The following DOCK1 variants were observed in gnomAD, a reference collection of about 807,000 sequenced individuals.
The protein encoded by DOCK1 is dedicator of cytokinesis 1.
In DOCK1, 138 loss-of-function variants were observed where a neutral mutation model predicts 262.7. That is an observed-to-expected ratio of 0.53 (90% CI 0.46 to 0.61). The LOEUF is 0.61. Among genes scored for constraint, DOCK1 ranks in the 20% least tolerant of loss-of-function variants. DOCK1 has a pLI of 0.00. For missense variants in DOCK1, 1,908 were observed against 2,370.7 expected (o/e 0.80, Z 4.05); for synonymous variants, 866 against 867.4 (o/e 1.00, Z 0.03).
At chr10:127,215,998 C>A (rs2058192449) in intron 27 of DOCK1, among the ~76,000 whole-genome samples, 1 of 152,160 alleles carries the variant, frequency 6.6e-6, no homozygotes, top group Non-Finnish European at 1.5e-5. Flanking sequence ...TATCTAACTG[C>A]TGCTTTCCAT....
At chr10:126,941,749 C>T (rs1325878170) in intron 1 of DOCK1, among the ~76,000 whole-genome samples, 8 of 149,734 alleles carry the variant, frequency 5.3e-5, no homozygotes, top group East Asian at 2.0e-4. Flanking sequence ...TGCGAGACTC[C>T]ATCTCAAAAC....
intron 38 of DOCK1, among the ~76,000 whole-genome samples, chr10:127,391,469 A>C (rs758789117): frequency 6.6e-6 from 1 of 152,242 alleles, no homozygotes; most frequent in Non-Finnish European, 1.5e-5. Context: ...TTTTATTATT[A>C]AAATTTAGAA....
chr10:126,990,422 A>T, intron 5 of DOCK1, 33 bp from the exon 6 acceptor site: 1 of 1,571,524 alleles, frequency 6.4e-7, no homozygotes, highest in Non-Finnish European at 8.7e-7. Context: ...GTTTTATAAC[A>T]AAATCTTTCT....
intron 41 of DOCK1, 55 bp downstream of exon 41, chr10:127,409,233 G>T: frequency 6.2e-7 from 1 of 1,612,116 alleles, no homozygotes; most frequent in Non-Finnish European, 8.5e-7. Context: ...CCATTCATTT[G>T]GGTGGTTGGG....
chr10:127,398,405 C>T (rs2067039669), intron 38 of DOCK1, among the ~76,000 whole-genome samples: 1 of 152,206 alleles, frequency 6.6e-6, no homozygotes, highest in Admixed American at 6.5e-5. Flanking sequence ...GCCAGCCCCA[C>T]ACCTGGAAGG....
intron 29 of DOCK1, among the ~76,000 whole-genome samples, chr10:127,260,595 CTG>C (rs1178776566): frequency 2.0e-5 from 3 of 151,786 alleles, no homozygotes; most frequent in Non-Finnish European, 2.9e-5. Flanking sequence ...CCATGCTCAT[CTG>C]TGTGTGTACC....
At chr10:127,124,512 T>C (rs2049820176) in intron 25 of DOCK1, among the ~76,000 whole-genome samples, 1 of 152,236 alleles carries the variant, frequency 6.6e-6, no homozygotes, top group South Asian at 2.1e-4. Context: ...TTCATTGTAT[T>C]TGTATCTGTT....
chr10:127,220,827 A>G (rs1198621285), intron 27 of DOCK1, among the ~76,000 whole-genome samples: 2 of 151,210 alleles, frequency 1.3e-5, no homozygotes, highest in African/African-American at 2.4e-5. Flanking sequence ...TCTTTTGAAT[A>G]CTCTGCTTAT....
chr10:127,020,884 A>G (rs1258086127), intron 13 of DOCK1, among the ~76,000 whole-genome samples: 1 of 152,198 alleles, frequency 6.6e-6, no homozygotes, highest in African/African-American at 2.4e-5. Context: ...TGGACAGCGC[A>G]GAGCCTGTCC....
At chr10:126,915,083 CTG>C (rs758388610) in intron 1 of DOCK1, among the ~76,000 whole-genome samples, 2 of 152,196 alleles carry the variant, frequency 1.3e-5, no homozygotes, top group Non-Finnish European at 2.9e-5. Context: ...TGTAATCTGA[CTG>C]TGTGCCTCGC....
At chr10:127,448,665 T>C (rs2070751625) in intron 51 of DOCK1, among the ~76,000 whole-genome samples, 1 of 152,160 alleles carries the variant, frequency 6.6e-6, no homozygotes, top group South Asian at 2.1e-4. Context: ...ATATCCCTCT[T>C]CATATGTGGA....
chr10:126,958,323 G>A lies in DOCK1; in HGVS notation c.47-12379G>A, dbSNP rs973124297. ...AGAGATATTGGATGTCATGGTCCACGGTCTTTGTGTAATACGCAGGAATGT... is the reference window on the plus strand; with the variant it reads ...AGAGATATTGGATGTCATGGTCCACAGTCTTTGTGTAATACGCAGGAATGT... On this transcript the variant is annotated intron_variant, in intron 1 of 51. Transcript: ENST00000623213. Among the ~76,000 whole-genome samples the A allele has an allele frequency of 3.3e-4, 51 of 152,262 alleles. 1 individual carries two copies. The highest frequency in any genetic ancestry group is 1.1e-3 in the African/African-American group (45 of 41,566).
chr10:127,002,352 A>G (rs1259803592), intron 10 of DOCK1, among the ~76,000 whole-genome samples: 1 of 152,214 alleles, frequency 6.6e-6, no homozygotes, highest in Non-Finnish European at 1.5e-5. Flanking sequence ...TTTCTTAAAG[A>G]TGAAATGTAG....
chr10:126,999,306 C>T (rs2040420917), intron 8 of DOCK1, 48 bp from the exon 9 acceptor site: 2 of 1,455,124 alleles, frequency 1.4e-6, no homozygotes, highest in African/African-American at 1.4e-5. Context: ...ACATTTGGTA[C>T]CCTGTTATTT....
chr10:127,362,241 C>T (rs575233912), intron 33 of DOCK1, 29 bp downstream of exon 33: 26 of 1,601,364 alleles, frequency 1.6e-5, no homozygotes, highest in East Asian at 2.2e-5. Context: ...AGCGAGTGGC[C>T]GGGGGACATG....
At chr10:127,450,366 C>A (rs2134874629) in intron 51 of DOCK1, among the ~76,000 whole-genome samples, 1 of 152,320 alleles carries the variant, frequency 6.6e-6, no homozygotes. Context: ...CACTCTTACC[C>A]TTAAGTTAGA....
chr10:127,225,366 G>A (rs1172957258), intron 27 of DOCK1, among the ~76,000 whole-genome samples: 2 of 152,252 alleles, frequency 1.3e-5, no homozygotes, highest in Non-Finnish European at 2.9e-5. Flanking sequence ...GCAAAGCACG[G>A]AGGAGAGCAG....
chr10:127,290,161 T>C (rs1462200116), intron 29 of DOCK1, among the ~76,000 whole-genome samples: 1 of 152,178 alleles, frequency 6.6e-6, no homozygotes, highest in Non-Finnish European at 1.5e-5. Flanking sequence ...AGTCTTGTTT[T>C]ATGATCACGT....
intron 29 of DOCK1, among the ~76,000 whole-genome samples, chr10:127,338,051 A>G (rs2063278119): frequency 1.3e-5 from 2 of 152,196 alleles, no homozygotes; most frequent in Non-Finnish European, 2.9e-5. Flanking sequence ...CTGAAGAGAT[A>G]ATGCTGTCAG....
Sources: gnomAD v4.1 joint callset for allele counts (sites outside exome capture counted in the v4.1 genomes callset) on GRCh38, gnomAD v4.1.1 for gene constraint, MANE v1.5 for transcripts, NCBI Gene and HGNC (gene_info 2026-07-23, HGNC 2026-07-21) for gene names.